The following RAP1A variants were observed in gnomAD, a reference collection of about 807,000 sequenced individuals.
RAP1A encodes the protein ras-related protein Rap-1A.
Under a neutral mutation model 26.4 loss-of-function variants are expected in RAP1A, and 6 were observed. The ratio of observed to expected loss-of-function variants is 0.23; its 90% confidence interval spans 0.12 to 0.45. The LOEUF (loss-of-function observed/expected upper bound fraction) is 0.45, where lower values mean the gene tolerates loss of function less well. Among genes scored for constraint, RAP1A ranks in the 20% least tolerant of loss-of-function variants. The pLI is 0.99. For missense variants in RAP1A, 121 were observed against 217.2 expected (o/e 0.56, Z 2.78); for synonymous variants, 73 against 79.4 (o/e 0.92, Z 0.43).
chr1:111,589,903 G>T (rs1426726386), intron 1 of RAP1A, among the ~76,000 whole-genome samples: 1 of 151,900 alleles, frequency 6.6e-6, no homozygotes, highest in Non-Finnish European at 1.5e-5. Context: ...GGGACTACAG[G>T]CACACGTCAC....
chr1:111,560,161 G>T (rs1490243145), intron 1 of RAP1A, among the ~76,000 whole-genome samples: 1 of 152,108 alleles, frequency 6.6e-6, no homozygotes, highest in Non-Finnish European at 1.5e-5. Flanking sequence ...CATTCTCTTA[G>T]CATACTTATC....
intron 1 of RAP1A, among the ~76,000 whole-genome samples, chr1:111,667,131 G>A (rs1409377840): frequency 2.6e-5 from 4 of 152,138 alleles, no homozygotes; most frequent in African/African-American, 4.8e-5. Context: ...GTCCCAGGAG[G>A]TTGCTTAGGC....
chr1:111,667,029 A>G (rs567283191), intron 1 of RAP1A, among the ~76,000 whole-genome samples: 4 of 152,176 alleles, frequency 2.6e-5, no homozygotes, highest in Non-Finnish European at 5.9e-5. Flanking sequence ...AAAGGAAATC[A>G]TTTAATTTTC....
intron 1 of RAP1A, among the ~76,000 whole-genome samples, chr1:111,639,560 T>A (rs984247954): frequency 7.8e-6 from 1 of 128,606 alleles, no homozygotes; most frequent in Non-Finnish European, 1.6e-5. Context: ...ACTAATACAT[T>A]ATGAACTTTT....
At chr1:111,695,957 G>A (rs1355784381) in intron 3 of RAP1A, among the ~76,000 whole-genome samples, 1 of 152,158 alleles carries the variant, frequency 6.6e-6, no homozygotes, top group African/African-American at 2.4e-5. Context: ...GGGTTCATCA[G>A]TTGTAACAAA....
chr1:111,696,613 A>G (rs897015253), intron 3 of RAP1A, among the ~76,000 whole-genome samples: 36 of 152,176 alleles, frequency 2.4e-4, no homozygotes, highest in African/African-American at 8.4e-4. Context: ...TTTTTAGAAG[A>G]CAGTGTTGCT....
chr1:111,670,813 A>G (rs1042826525), intron 1 of RAP1A, among the ~76,000 whole-genome samples: 1 of 152,246 alleles, frequency 6.6e-6, no homozygotes, highest in Non-Finnish European at 1.5e-5. Context: ...TGTGCAGGGA[A>G]TAATTTCAGA....
chr1:111,700,130 A>G (rs564132884), intron 4 of RAP1A, among the ~76,000 whole-genome samples: 1 of 152,208 alleles, frequency 6.6e-6, no homozygotes, highest in East Asian at 1.9e-4. Context: ...TCTCTTTCCT[A>G]ACAACACTGC....
intron 1 of RAP1A, chr1:111,649,339 TG>T: frequency 2.5e-6 from 1 of 404,956 alleles, no homozygotes; most frequent in Admixed American, 2.8e-5. Flanking sequence ...CTCCTCATTC[TG>T]GATGCCTCCC....
intron 1 of RAP1A, among the ~76,000 whole-genome samples, chr1:111,653,531 A>C (rs1660345689): frequency 6.6e-6 from 1 of 152,030 alleles, no homozygotes; most frequent in African/African-American, 2.4e-5. Context: ...AAAAATACAA[A>C]AGATTAGCTG....
chr1:111,655,132 G>A (rs1260949525), intron 1 of RAP1A, among the ~76,000 whole-genome samples: 2 of 151,762 alleles, frequency 1.3e-5, no homozygotes, highest in Non-Finnish European at 2.9e-5. Context: ...CTAGTCTTTT[G>A]CTTTAATCCA....
chr1:111,707,068 C>G (rs1662215513), intron 6 of RAP1A, among the ~76,000 whole-genome samples: 1 of 152,090 alleles, frequency 6.6e-6, no homozygotes, highest in Non-Finnish European at 1.5e-5. Flanking sequence ...AAAACAGAAA[C>G]TACAATTTTG....
At chr1:111,591,700 G>T (rs531375987) in intron 1 of RAP1A, among the ~76,000 whole-genome samples, 1 of 152,320 alleles carries the variant, frequency 6.6e-6, no homozygotes, top group South Asian at 2.1e-4. Context: ...GGCTGAGATG[G>T]TGTCATGATG....
At chr1:111,550,100 A>G (rs936043396) in intron 1 of RAP1A, among the ~76,000 whole-genome samples, 1 of 152,118 alleles carries the variant, frequency 6.6e-6, no homozygotes, top group African/African-American at 2.4e-5. Flanking sequence ...CTAGATTATA[A>G]AATTTGTTGT....
intron 1 of RAP1A, among the ~76,000 whole-genome samples, chr1:111,689,845 T>G (rs1212420432): frequency 6.6e-6 from 1 of 152,090 alleles, no homozygotes; most frequent in African/African-American, 2.4e-5. Context: ...CCCGGCTAAT[T>G]TTTTGTACAT....
At chr1:111,704,263 A>G (rs1662117809) in intron 5 of RAP1A, 80 bp from the exon 6 acceptor site, 5 of 1,437,604 alleles carry the variant, frequency 3.5e-6, no homozygotes, top group African/African-American at 2.9e-5. Flanking sequence ...AGTTGGTGGC[A>G]GATAATTGCT....
At chr1:111,599,943 G>C (rs1411419609) in intron 1 of RAP1A, 1 of 151,180 alleles carries the variant, frequency 6.6e-6, no homozygotes, top group African/African-American at 2.4e-5. Flanking sequence ...GTGAGATAAG[G>C]TTTTTTTTTA....
At chr1:111,588,181 A>T (rs965547465) in intron 1 of RAP1A, among the ~76,000 whole-genome samples, 1 of 152,154 alleles carries the variant, frequency 6.6e-6, no homozygotes, top group Non-Finnish European at 1.5e-5. Flanking sequence ...CTTCCTTTAG[A>T]TGTGCCCCTC....
intron 1 of RAP1A, among the ~76,000 whole-genome samples, chr1:111,573,993 G>A (rs1334180654): frequency 6.6e-6 from 1 of 152,002 alleles, no homozygotes; most frequent in African/African-American, 2.4e-5. Context: ...TGCTTTTGTT[G>A]CAATCGCTTT....
Sources: allele counts gnomAD v4.1 joint callset (sites outside exome capture counted in the v4.1 genomes callset), GRCh38; gene constraint gnomAD v4.1.1; transcripts MANE v1.5; gene names NCBI Gene and HGNC (gene_info 2026-07-23, HGNC 2026-07-21).